AJAP1: variants seen among roughly 807,000 people sequenced by gnomAD.
The protein encoded by AJAP1 is adherens junction-associated protein 1.
AJAP1 carries 5 observed loss-of-function variants against 35.0 expected under a neutral mutation model. The ratio of observed to expected loss-of-function variants is 0.14; its 90% CI spans 0.07 to 0.30. AJAP1 has a LOEUF of 0.30. Ranked by LOEUF, AJAP1 falls within the 10% of genes least tolerant of loss-of-function variation. The probability of loss-of-function intolerance (pLI) is 1.00; values close to 1 mark genes in which losing one functional copy is unlikely to be tolerated. For synonymous variants in AJAP1, 284 were observed against 249.3 expected (o/e 1.14, Z -1.31); for missense variants, 586 against 571.0 (o/e 1.03, Z -0.27).
intron 1 of AJAP1, among the ~76,000 whole-genome samples, chr1:4,686,929 G>A (rs1286233449): frequency 6.6e-6 from 1 of 152,180 alleles, no homozygotes. Context: ...CACTTCTGCC[G>A]AGGGGTCAGA....
At chr1:4,699,357 C>G (rs1374680248) in intron 1 of AJAP1, among the ~76,000 whole-genome samples, 1 of 152,220 alleles carries the variant, frequency 6.6e-6, no homozygotes, top group Admixed American at 6.5e-5. Context: ...TGTTCTCCTC[C>G]CATCCTTGGT....
At chr1:4,775,497 T>C (rs2100367235) in intron 5 of AJAP1, among the ~76,000 whole-genome samples, 1 of 152,306 alleles carries the variant, frequency 6.6e-6, no homozygotes, top group South Asian at 2.1e-4. Flanking sequence ...CCATCTGATA[T>C]GAGGGACAGA....
intron 2 of AJAP1, among the ~76,000 whole-genome samples, chr1:4,761,952 C>T (rs991192869): frequency 5.3e-5 from 8 of 152,162 alleles, no homozygotes; most frequent in East Asian, 1.9e-4. Context: ...GTGACACCCT[C>T]GCAGACCCAT....
intron 2 of AJAP1, among the ~76,000 whole-genome samples, chr1:4,749,788 T>A (rs1641281393): frequency 6.6e-6 from 1 of 152,184 alleles, no homozygotes; most frequent in South Asian, 2.1e-4. Flanking sequence ...TTTAAGAGTG[T>A]GCCTGTGTTT....
At position 4,720,690 on chromosome 1, in the gene AJAP1, G is replaced by T. The variant is rs3820250; in HGVS notation, c.829+7991G>T. Reference sequence around the variant, plus strand: ...AGAGTTGAGTCAGGTCTTAAAAGATGCACGAAGCCCACCTCACCGGTGGCT... The same window carrying T: ...AGAGTTGAGTCAGGTCTTAAAAGATTCACGAAGCCCACCTCACCGGTGGCT... On this transcript the variant is annotated intron_variant, in intron 2 of 5. Coordinates refer to ENST00000378191, the MANE Select transcript of AJAP1 (RefSeq NM_018836.4). The surrounding 1 kb of genome is among the most constrained non-coding windows in gnomAD (Gnocchi z 4.4). 0.1 allele frequency among the ~76,000 whole-genome samples: 15,632 copies of T among 152,232 alleles called. 1,339 individuals carry two copies. The highest frequency in any genetic ancestry group is 0.48 in the East Asian group (2,455 of 5,130).
At chr1:4,667,795 TG>T in intron 1 of AJAP1, among the ~76,000 whole-genome samples, 1 of 152,232 alleles carries the variant, frequency 6.6e-6, no homozygotes, top group African/African-American at 2.4e-5. Context: ...ACCCAAGCTG[TG>T]GGTCTGAATT....
chr1:4,668,418 A>C lies in AJAP1; in HGVS notation c.29+12964A>C. On this transcript the variant is annotated intron_variant, in intron 1 of 5. Transcript: ENST00000378191. ...GTGTGAGGCATCAGTTGACTTTAAA[A>C]TGCCCAAGTAATACATGTCTGCACT... Among the ~76,000 whole-genome samples, 3 of 152,274 alleles carry C rather than the reference A, an allele frequency of 2.0e-5. No homozygotes were observed. In the South Asian group the frequency reaches 6.2e-4, roughly 32 times the overall value.
At chr1:4,681,223 G>A (rs973325738) in intron 1 of AJAP1, among the ~76,000 whole-genome samples, 38 of 152,206 alleles carry the variant, frequency 2.5e-4, no homozygotes, top group Non-Finnish European at 3.7e-4. Flanking sequence ...CTAAATGCCC[G>A]CAGTGTTTGG....
Position 4,790,498 on chromosome 1 carries a change from A to G in AJAP1, c.*8013A>G, listed in dbSNP as rs1342669390. 2 of 152,160 alleles carry G rather than the reference A, an allele frequency of 1.3e-5. No homozygotes were observed. Among genetic ancestry groups the G allele is most frequent in the African/African-American group, 4.8e-5 (2 of 41,432 alleles). The allele number at this position is 152,160 out of a possible 1,614,324, so 9.4% of individuals were successfully genotyped here. ...AAGGGGCTGGAAGACAAGCGGGGCA[A>G]CTGGTTTTGAAAAGCCCGCTGGCGT... On this transcript the variant is annotated 3_prime_UTR_variant, in exon 6 of 6. Coordinates refer to ENST00000378191, the MANE Select transcript of AJAP1 (RefSeq NM_018836.4).
chr1:4,742,157 G>A (rs1641082177), intron 2 of AJAP1, among the ~76,000 whole-genome samples: 1 of 152,210 alleles, frequency 6.6e-6, no homozygotes, highest in Non-Finnish European at 1.5e-5. Flanking sequence ...CCCATGAAAT[G>A]CTGGCCACGC....
chr1:4,666,722 T>C (rs113276583), intron 1 of AJAP1, among the ~76,000 whole-genome samples: 969 of 35,248 alleles, frequency 0.027, 81 homozygotes, highest in African/African-American at 0.048. Context: ...GAGAGGGGCC[T>C]GTGAATCACG....
chr1:4,735,146 C>A (rs917799778), intron 2 of AJAP1, among the ~76,000 whole-genome samples: 6 of 152,238 alleles, frequency 3.9e-5, no homozygotes, highest in Non-Finnish European at 5.9e-5. Flanking sequence ...CAGGAGCACA[C>A]CCTTACAAAA....
intron 2 of AJAP1, among the ~76,000 whole-genome samples, chr1:4,748,227 C>T (rs1461260037): frequency 2.0e-5 from 3 of 152,144 alleles, no homozygotes; most frequent in African/African-American, 7.2e-5. Flanking sequence ...CTGGAAGAGC[C>T]TCCCATGGCC....
chr1:4,724,225 A>C (rs1016330136), intron 2 of AJAP1, among the ~76,000 whole-genome samples: 4 of 152,082 alleles, frequency 2.6e-5, no homozygotes, highest in Non-Finnish European at 5.9e-5. Flanking sequence ...GGTGGTGGTG[A>C]TGGCGGCCGG....
chr1:4,666,465 C>A (rs1236874972), intron 1 of AJAP1, among the ~76,000 whole-genome samples: 1 of 152,164 alleles, frequency 6.6e-6, no homozygotes, highest in Non-Finnish European at 1.5e-5. Flanking sequence ...AAATGACAGA[C>A]CCTGGGGAGT....
chr1:4,719,552 G>A (rs1023047919), intron 2 of AJAP1, among the ~76,000 whole-genome samples: 2 of 152,076 alleles, frequency 1.3e-5, no homozygotes, highest in Admixed American at 1.3e-4. Flanking sequence ...CCCATCTCGG[G>A]GGCGTGTGGT....
intron 1 of AJAP1, among the ~76,000 whole-genome samples, chr1:4,704,301 TC>T (rs1399900119): frequency 3.4e-5 from 5 of 144,938 alleles, no homozygotes; most frequent in African/African-American, 7.7e-5. Flanking sequence ...ATGCTATCCT[TC>T]CCCCCTCCCC....
Position 4,778,151 on chromosome 1 carries a change from C to T in AJAP1, c.*59+3593C>T, listed in dbSNP as rs564081579. ...GTGGGGCCAGGCCAGCCGAGAATCT[C>T]CTTCCAGGCAGCAGAGGGCAGAATT... is the stretch of plus-strand genomic sequence containing the variant. On this transcript the variant is annotated intron_variant, in intron 5 of 5. Coordinates refer to ENST00000378191, the MANE Select transcript of AJAP1 (RefSeq NM_018836.4). Among the ~76,000 whole-genome samples, 4 of 152,348 alleles carry T rather than the reference C, an allele frequency of 2.6e-5. 1 individual carries two copies. Among genetic ancestry groups the T allele is most frequent in the African/African-American group, 9.6e-5 (4 of 41,576 alleles).
chr1:4,675,338 G>A (rs976753987), intron 1 of AJAP1, among the ~76,000 whole-genome samples: 6 of 152,232 alleles, frequency 3.9e-5, no homozygotes, highest in Non-Finnish European at 7.3e-5. Flanking sequence ...GAAGACACGC[G>A]TGGGGCAGAG....
Sources: allele counts gnomAD v4.1 joint callset (sites outside exome capture counted in the v4.1 genomes callset), GRCh38; gene constraint gnomAD v4.1.1; non-coding constraint Gnocchi (gnomAD v3.1); transcripts MANE v1.5; gene names NCBI Gene and HGNC (gene_info 2026-07-23, HGNC 2026-07-21).